The following SERINC5 variants were observed in gnomAD, a reference collection of about 807,000 sequenced individuals.
SERINC5 encodes serine incorporator 5.
In SERINC5, 41 loss-of-function variants were observed where a neutral mutation model predicts 63.1. The observed-to-expected ratio is 0.65, with a 90% CI of 0.51 to 0.84. SERINC5 has a LOEUF of 0.84. Among genes scored for constraint, SERINC5 ranks in the 40% least tolerant of loss-of-function variants. The pLI is 0.00. For synonymous variants in SERINC5, 222 were observed against 215.2 expected, an observed-to-expected ratio of 1.03 and a Z score of -0.28; for missense variants, 523 against 573.0, an observed-to-expected ratio of 0.91 and a Z score of 0.89.
intron 11 of SERINC5, among the ~76,000 whole-genome samples, chr5:80,123,064 T>TA (rs1288061881): frequency 6.6e-6 from 1 of 151,960 alleles, no homozygotes; most frequent in South Asian, 2.1e-4. Context: ...ACAGCAGCAA[T>TA]AAAAAAACTA....
chr5:80,146,310 A>T (rs935124024), intron 10 of SERINC5, 76 bp from the exon 11 acceptor site: 2 of 1,545,248 alleles, frequency 1.3e-6, no homozygotes, highest in African/African-American at 2.7e-5. Flanking sequence ...ACGCTCGCTA[A>T]TTCTACAGGG....
chr5:80,192,764 G>C (rs1749268283), intron 2 of SERINC5, among the ~76,000 whole-genome samples: 1 of 152,124 alleles, frequency 6.6e-6, no homozygotes, highest in Non-Finnish European at 1.5e-5. Context: ...ATTATGCTCA[G>C]CCCTGATGAG....
chr5:80,227,053 G>A (rs534176322), intron 1 of SERINC5, among the ~76,000 whole-genome samples: 10 of 152,034 alleles, frequency 6.6e-5, no homozygotes, highest in South Asian at 4.2e-4. Context: ...CCCCCACCAC[G>A]CCCGGCTAAT....
rs748505214 is a variant in SERINC5, at chr5:80,140,869, A to G, written c.*2794T>C. ...CTGTCATCCCTAAATGTGTCTGACC[A>G]GCAGCTTCTGGGAATATACTCTTTA... On this transcript the variant is annotated 3_prime_UTR_variant, in exon 12 of 12. Transcript: ENST00000507668. The G allele has an allele frequency of 8.1e-6, 8 of 985,430 alleles. No homozygotes were observed. The highest frequency in any genetic ancestry group is 9.6e-6 in the Non-Finnish European group (8 of 829,918). The allele number at this position is 985,430 out of a possible 1,614,324, so 61.0% of individuals were successfully genotyped here.
chr5:80,168,689 G>C (rs1415156540), intron 6 of SERINC5, among the ~76,000 whole-genome samples: 2 of 152,226 alleles, frequency 1.3e-5, no homozygotes, highest in Non-Finnish European at 2.9e-5. Flanking sequence ...CCTGGCTTAA[G>C]AAACCAAGAG....
At chr5:80,190,991 A>G (rs917403350) in intron 2 of SERINC5, among the ~76,000 whole-genome samples, 1 of 152,188 alleles carries the variant, frequency 6.6e-6, no homozygotes, top group Admixed American at 6.5e-5. Flanking sequence ...AAAGTTTAGG[A>G]GAGGCCATTG....
chr5:80,167,950 C>T (rs1360762933), intron 6 of SERINC5, among the ~76,000 whole-genome samples: 1 of 151,972 alleles, frequency 6.6e-6, no homozygotes. Context: ...TAAAATAGAC[C>T]CTGTTATAAT....
chr5:80,185,596 AAG>A (rs1282054837), intron 2 of SERINC5, among the ~76,000 whole-genome samples: 3 of 152,138 alleles, frequency 2.0e-5, no homozygotes, highest in Non-Finnish European at 4.4e-5. Context: ...TGAGTCCGAA[AAG>A]AGAGTCAGCA....
chr5:80,158,675 C>A, intron 8 of SERINC5, 161 bp downstream of exon 8: 1 of 609,026 alleles, frequency 1.6e-6, no homozygotes, highest in Non-Finnish European at 2.8e-6. Context: ...GTAAGGTGAA[C>A]GAAGTTCAAA....
chr5:80,251,076 T>C (rs1752391168), intron 1 of SERINC5, among the ~76,000 whole-genome samples: 2 of 152,174 alleles, frequency 1.3e-5, no homozygotes, highest in Admixed American at 1.3e-4. Flanking sequence ...AGAAATGAGT[T>C]TTACTAGCCT....
intron 2 of SERINC5, among the ~76,000 whole-genome samples, chr5:80,181,110 A>AG (rs1309572644): frequency 1.3e-5 from 2 of 152,160 alleles, no homozygotes; most frequent in African/African-American, 2.4e-5. Flanking sequence ...TCTACTGGGC[A>AG]GGGGGGCAAG....
downstream of SERINC5, among the ~76,000 whole-genome samples, chr5:80,137,345 T>C (rs1745246386): frequency 6.6e-6 from 1 of 151,660 alleles, no homozygotes; most frequent in Admixed American, 6.6e-5. Context: ...CACAAATGAA[T>C]ATAAAGAATA....
At chr5:80,171,624 G>A (rs1561391558) in intron 5 of SERINC5, among the ~76,000 whole-genome samples, 4 of 152,196 alleles carry the variant, frequency 2.6e-5, no homozygotes, top group Non-Finnish European at 5.9e-5. Context: ...TTACAAAACA[G>A]CTAGAGGAGA....
intron 1 of SERINC5, among the ~76,000 whole-genome samples, chr5:80,216,828 T>C (rs977116340): frequency 1.3e-4 from 19 of 151,956 alleles, no homozygotes; most frequent in African/African-American, 4.1e-4. Context: ...CTGGGTAACA[T>C]AGTGAGACAC....
intron 2 of SERINC5, among the ~76,000 whole-genome samples, chr5:80,185,399 C>T (rs539164597): frequency 9.2e-5 from 14 of 152,248 alleles, no homozygotes; most frequent in African/African-American, 3.1e-4. Flanking sequence ...ATGGAGTTGC[C>T]TGAGAATTAC....
intron 4 of SERINC5, among the ~76,000 whole-genome samples, chr5:80,176,261 T>C (rs1283834593): frequency 1.3e-5 from 2 of 152,182 alleles, no homozygotes; most frequent in African/African-American, 4.8e-5. Flanking sequence ...TTCTAATACA[T>C]AAAAGGATCT....
intron 12 of SERINC5, among the ~76,000 whole-genome samples, chr5:80,111,992 G>A (rs1744132444): frequency 6.6e-6 from 1 of 152,176 alleles, no homozygotes; most frequent in African/African-American, 2.4e-5. Flanking sequence ...GATTAACCAG[G>A]GGCACGATGC....
chr5:80,175,179 G>A (rs1167016811), intron 4 of SERINC5, 132 bp from the exon 5 acceptor site: 1 of 588,660 alleles, frequency 1.7e-6, no homozygotes, highest in African/African-American at 1.9e-5. Context: ...TATAAGATAT[G>A]TATTACTATT....
intron 1 of SERINC5, among the ~76,000 whole-genome samples, chr5:80,221,316 C>T (rs899328627): frequency 1.3e-5 from 2 of 152,220 alleles, no homozygotes; most frequent in Admixed American, 6.5e-5. Context: ...TGACAACACG[C>T]CACACACCCA....
Sources: gnomAD v4.1 joint callset for allele counts (sites outside exome capture counted in the v4.1 genomes callset) on GRCh38, gnomAD v4.1.1 for gene constraint, MANE v1.5 for transcripts, NCBI Gene and HGNC (gene_info 2026-07-23, HGNC 2026-07-21) for gene names.